LRPPRC: variants seen among roughly 807,000 people sequenced by gnomAD.
LRPPRC encodes leucine rich pentatricopeptide repeat containing, also known as leucine-rich PPR motif-containing protein, mitochondrial.
In LRPPRC, 120 loss-of-function variants were observed where a neutral mutation model predicts 180.3. That is an observed-to-expected ratio of 0.67 (90% CI 0.57 to 0.77). The LOEUF (loss-of-function observed/expected upper bound fraction) is 0.77. Among genes scored for constraint, LRPPRC ranks in the 30% least tolerant of loss-of-function variants. LRPPRC has a pLI of 0.00. For missense variants in LRPPRC, 2,012 were observed against 1,657.2 expected, an observed-to-expected ratio of 1.21 and a Z score of -3.72; for synonymous variants, 723 against 600.0, an observed-to-expected ratio of 1.21 and a Z score of -3.00.
rs1190124823 is a variant in LRPPRC, at chr2:43,899,224, G to A, written c.3820C>T (p.Leu1274=). The part of the protein sequence containing the change: ...AGKVDDARAL[L]QRCGAIAEQT... ...CATGAGTGGAGGGTCATTACCTGTA[G>A]GAGAGCTCTGGCATCATCCACCTTG... is the stretch of plus-strand genomic sequence containing the variant. Residue 1274 remains leucine (L), a synonymous_variant, in exon 34 of 38, where the codon CTA becomes TTA. Coordinates refer to ENST00000260665, the MANE Select transcript of LRPPRC (RefSeq NM_133259.4). The A allele has an allele frequency of 1.2e-6, 2 of 1,612,108 alleles. No individual in the cohort carries two copies. Among genetic ancestry groups the A allele is most frequent in the Admixed American group, 3.3e-5 (2 of 60,016 alleles).
At chr2:43,952,198 GA>G (rs912769014) in intron 14 of LRPPRC, among the ~76,000 whole-genome samples, 42 of 138,170 alleles carry the variant, frequency 3.0e-4, no homozygotes, top group South Asian at 1.2e-3. Context: ...CGTCTCAAAA[GA>G]AAAAAAAAAA....
At chr2:43,971,444 C>A (rs539165300) in intron 11 of LRPPRC, among the ~76,000 whole-genome samples, 1 of 119,838 alleles carries the variant, frequency 8.3e-6, no homozygotes, top group Admixed American at 1.1e-4. Flanking sequence ...GATTATTATA[C>A]AGGGCACATG....
In LRPPRC at chr2:43,982,223, G is replaced by A. The variant is rs761124255; in HGVS notation, c.346+15C>T. 5 of 1,543,296 alleles carry A rather than the reference G, an allele frequency of 3.2e-6. No individual in the cohort carries two copies. Among genetic ancestry groups the A allele is most frequent in the Non-Finnish European group, 4.4e-6 (5 of 1,147,654 alleles). ...AGCCAAAAGTCAACTTTATGAACAG[G>A]AAATTTTGAAATACCTGAGCGGCAG... On this transcript the variant is annotated intron_variant, in intron 2 of 37. Transcript: ENST00000260665.
In LRPPRC at chr2:43,974,665, A is replaced by G. The variant is rs1293788974; in HGVS notation, c.958T>C (p.Tyr320His). ...ACTTTTTCCAAAATTTCTGAGACAT[A>G]CTGAGGATACCCAGCTTTACTGAAG... ...FSFSKAGYPQ[Y>H]VSEILEKVTC... The change falls in exon 8 of 38, where the codon TAT (tyrosine) becomes CAT (histidine). Residue 320 changes from tyrosine (Y) to histidine (H), a missense_variant. Physicochemically the swap from Tyr to His is moderately conservative, Grantham distance 83. Coordinates refer to ENST00000260665, the MANE Select transcript of LRPPRC (RefSeq NM_133259.4). The G allele has an allele frequency of 6.2e-7, 1 of 1,611,588 alleles. No homozygotes were observed. The highest frequency in any genetic ancestry group is 1.1e-5 in the South Asian group (1 of 91,014).
chr2:43,946,431 G>A (rs544513157), intron 20 of LRPPRC, among the ~76,000 whole-genome samples, 188 bp from the exon 21 acceptor site: 10 of 152,078 alleles, frequency 6.6e-5, no homozygotes, highest in East Asian at 1.9e-4. Flanking sequence ...AGTCTTACAC[G>A]TGTAGGGGTT....
intron 30 of LRPPRC, among the ~76,000 whole-genome samples, chr2:43,909,246 G>C (rs1671169924): frequency 6.6e-6 from 1 of 152,122 alleles, no homozygotes; most frequent in Non-Finnish European, 1.5e-5. Flanking sequence ...CATTTTATTG[G>C]TTCAAGGGAG....
chr2:43,890,078 A>T (rs1487043392), intron 36 of LRPPRC: 1 of 606,824 alleles, frequency 1.6e-6, no homozygotes, highest in Non-Finnish European at 3.0e-6. Context: ...CTCACTTTGA[A>T]GGAGAAGAAA....
At chr2:43,926,316 A>G (rs938533748) in intron 25 of LRPPRC, among the ~76,000 whole-genome samples, 3 of 152,224 alleles carry the variant, frequency 2.0e-5, no homozygotes, top group Non-Finnish European at 4.4e-5. Context: ...TACTGTCTTT[A>G]GTTCAAAAAT....
At chr2:43,934,662 G>T in intron 24 of LRPPRC, 92 bp downstream of exon 24, 1 of 1,072,086 alleles carries the variant, frequency 9.3e-7, no homozygotes, top group Non-Finnish European at 1.4e-6. Context: ...TGAATGTGCT[G>T]GCCTTCTGCT....
intron 34 of LRPPRC, among the ~76,000 whole-genome samples, chr2:43,897,465 G>C (rs1670725593): frequency 6.6e-6 from 1 of 152,074 alleles, no homozygotes; most frequent in South Asian, 2.1e-4. Context: ...AAAACGAATG[G>C]TATAAAAAGA....
intron 14 of LRPPRC, among the ~76,000 whole-genome samples, chr2:43,954,582 TAC>T (rs898337061): frequency 6.6e-6 from 1 of 152,200 alleles, no homozygotes; most frequent in African/African-American, 2.4e-5. Context: ...AAAGAATACA[TAC>T]ACTCTTGAAA....
Position 43,912,619 on chromosome 2 carries a change from G to GA in LRPPRC, c.3149-62dup, listed in dbSNP as rs369189714. ...ATTATTCTGAAATGCCAAAAGGATG[G>GA]AAAAAATCCTGAAACAAAGACCTAA... On this transcript the variant is annotated intron_variant, in intron 29 of 37. Transcript: ENST00000260665. The GA allele has an allele frequency of 1.3e-4, 188 of 1,476,962 alleles. 1 individual carries two copies. In the African/African-American group the frequency reaches 1.5e-3, roughly 11 times the overall value. The allele number at this position is 1,476,962 out of a possible 1,614,324, so 91.5% of individuals were successfully genotyped here.
intron 29 of LRPPRC, 25 bp downstream of exon 29, chr2:43,918,000 C>G: frequency 6.7e-7 from 1 of 1,487,590 alleles, no homozygotes; most frequent in South Asian, 1.1e-5. Context: ...CCCCCACACA[C>G]ACCCCCATCC....
At chr2:43,933,093 C>T (rs936025887) in intron 25 of LRPPRC, among the ~76,000 whole-genome samples, 1 of 152,226 alleles carries the variant, frequency 6.6e-6, no homozygotes, top group Non-Finnish European at 1.5e-5. Context: ...TGTAAATGAA[C>T]CACTTAAGCT....
chr2:43,994,118 G>T (rs996134336), intron 1 of LRPPRC, among the ~76,000 whole-genome samples: 4 of 152,190 alleles, frequency 2.6e-5, no homozygotes, highest in South Asian at 4.1e-4. Context: ...AAATGCTGAG[G>T]ATTAGAAAAA....
intron 23 of LRPPRC, among the ~76,000 whole-genome samples, chr2:43,943,114 A>G (rs543827513): frequency 6.6e-6 from 1 of 152,222 alleles, no homozygotes; most frequent in South Asian, 2.1e-4. Flanking sequence ...TTTATTCATT[A>G]TAAAATAGAC....
At chr2:43,943,448 G>C (rs192361904) in intron 23 of LRPPRC, among the ~76,000 whole-genome samples, 18 of 152,024 alleles carry the variant, frequency 1.2e-4, no homozygotes, top group African/African-American at 4.3e-4. Context: ...TCAAATTCAA[G>C]TGATCACATG....
chr2:43,894,961 C>G (rs940714027), intron 35 of LRPPRC, among the ~76,000 whole-genome samples: 1 of 152,134 alleles, frequency 6.6e-6, no homozygotes. Context: ...GATAACAACC[C>G]TATCTTTAGG....
rs4953036 is a variant in LRPPRC, at chr2:43,918,660, C to T, written c.2897-262G>A. Among the ~76,000 whole-genome samples, 45,990 of 151,418 alleles carry T rather than the reference C, an allele frequency of 0.3. 8,482 individuals carry two copies. The highest frequency in any genetic ancestry group is 0.95 in the East Asian group (4,888 of 5,164). The stretch of plus-strand genomic sequence containing the variant: ...TCACACTTTATTACACACTTCCAAT[C>T]ATGTTGATAAGAAGTTTGTCTTTTT... On this transcript the variant is annotated intron_variant, in intron 27 of 37. Coordinates refer to ENST00000260665, the MANE Select transcript of LRPPRC (RefSeq NM_133259.4).
Sources: allele counts gnomAD v4.1 joint callset (sites outside exome capture counted in the v4.1 genomes callset), GRCh38; gene constraint gnomAD v4.1.1; transcripts MANE v1.5; gene names NCBI Gene and HGNC (gene_info 2026-07-23, HGNC 2026-07-21).